The following PPARGC1A variants were observed in gnomAD, a reference collection of about 807,000 sequenced individuals.
The protein encoded by PPARGC1A is PPARG coactivator 1 alpha, also known as peroxisome proliferator-activated receptor gamma coactivator 1-alpha.
A neutral mutation model predicts 88.7 loss-of-function variants in PPARGC1A; 25 were observed. The ratio of observed to expected loss-of-function variants is 0.28; its 90% confidence interval spans 0.21 to 0.39. PPARGC1A has a LOEUF of 0.39. Among genes scored for constraint, PPARGC1A ranks in the 10% least tolerant of loss-of-function variants. The probability of loss-of-function intolerance (pLI) is 1.00; values close to 1 mark genes in which losing one functional copy is unlikely to be tolerated. For missense variants in PPARGC1A, 880 were observed against 968.7 expected, an observed-to-expected ratio of 0.91 and a Z score of 1.22; for synonymous variants, 363 against 355.6, an observed-to-expected ratio of 1.02 and a Z score of -0.24.
chr4:23,960,259 T>C, the PPARGC1A span, among the ~76,000 whole-genome samples: 1 of 152,134 alleles, frequency 6.6e-6, no homozygotes. Context: ...GGGGACATTT[T>C]TTTGTTGTGA....
the PPARGC1A span, among the ~76,000 whole-genome samples, chr4:24,401,018 T>TA: frequency 1.5e-5 from 2 of 134,378 alleles, no homozygotes; most frequent in Admixed American, 7.4e-5. Context: ...GAATTTTCTT[T>TA]TTTTTTTTTT....
the PPARGC1A span, among the ~76,000 whole-genome samples, chr4:24,252,416 G>A: frequency 9.2e-5 from 14 of 152,162 alleles, no homozygotes; most frequent in Non-Finnish European, 1.2e-4. Flanking sequence ...TCTGCCTTTC[G>A]TGGTTTTTCT....
the PPARGC1A span, among the ~76,000 whole-genome samples, chr4:24,050,904 TG>T: frequency 6.6e-6 from 1 of 152,050 alleles, no homozygotes; most frequent in Admixed American, 6.6e-5. Flanking sequence ...AAGAAAGGTC[TG>T]GGCCGGGCGC....
chr4:24,122,416 C>T, the PPARGC1A span, among the ~76,000 whole-genome samples: 51 of 128,110 alleles, frequency 4.0e-4, no homozygotes, highest in African/African-American at 8.9e-4. Flanking sequence ...TGTGTGTGTG[C>T]ATATATATAT....
intron 2 of PPARGC1A, among the ~76,000 whole-genome samples, chr4:23,860,466 A>G (rs1396559978): frequency 1.3e-5 from 2 of 152,186 alleles, no homozygotes. Flanking sequence ...AGGTGCTCTT[A>G]CTACAAAAAA....
the PPARGC1A span, among the ~76,000 whole-genome samples, chr4:24,441,146 T>C: frequency 2.3e-4 from 35 of 152,186 alleles, no homozygotes; most frequent in African/African-American, 8.2e-4. Context: ...TACTGTGGAA[T>C]GGTGGGGACT....
At chr4:24,000,743 C>G in the PPARGC1A span, among the ~76,000 whole-genome samples, 1 of 152,114 alleles carries the variant, frequency 6.6e-6, no homozygotes, top group African/African-American at 2.4e-5. Context: ...AGAAAGACTG[C>G]AGGATTTGAA....
chr4:24,013,892 T>C, the PPARGC1A span, among the ~76,000 whole-genome samples: 1 of 152,036 alleles, frequency 6.6e-6, no homozygotes, highest in African/African-American at 2.4e-5. Context: ...TCATCAACAT[T>C]CAAGGCAAAT....
the PPARGC1A span, among the ~76,000 whole-genome samples, chr4:24,035,816 T>C: frequency 6.6e-6 from 1 of 152,216 alleles, no homozygotes; most frequent in East Asian, 1.9e-4. Context: ...CTTTATGTTT[T>C]ACATGATTAA....
At chr4:24,091,718 G>T in the PPARGC1A span, 1 of 848,356 alleles carries the variant, frequency 1.2e-6, no homozygotes, top group Non-Finnish European at 1.4e-6. Flanking sequence ...GACACATGGG[G>T]CTACCCAGAC....
the PPARGC1A span, among the ~76,000 whole-genome samples, chr4:24,150,717 C>A: frequency 3.4e-4 from 51 of 152,200 alleles, no homozygotes; most frequent in South Asian, 0.01. Flanking sequence ...GTTCCTTTGG[C>A]AGATGAGGAC....
At chr4:24,192,411 T>C in the PPARGC1A span, among the ~76,000 whole-genome samples, 1 of 152,228 alleles carries the variant, frequency 6.6e-6, no homozygotes, top group Non-Finnish European at 1.5e-5. Context: ...CTAAGACTTA[T>C]TAGATTACGT....
At chr4:24,455,354 G>A in the PPARGC1A span, among the ~76,000 whole-genome samples, 1,460 of 152,278 alleles carry the variant, frequency 9.6e-3, 25 homozygotes, top group African/African-American at 0.034. Context: ...TGTGGCTTGC[G>A]CCTGCAGTCC....
intron 2 of PPARGC1A, among the ~76,000 whole-genome samples, chr4:23,834,688 C>T (rs1230024917): frequency 3.9e-5 from 6 of 152,076 alleles, no homozygotes; most frequent in Admixed American, 2.6e-4. Flanking sequence ...TTTCAATATG[C>T]CTTTGAAAGG....
intron 2 of PPARGC1A, among the ~76,000 whole-genome samples, chr4:23,849,704 A>G (rs532248989): frequency 1.6e-3 from 238 of 152,324 alleles, no homozygotes; most frequent in Non-Finnish European, 2.9e-3. Flanking sequence ...ATTTTTAAAA[A>G]GAAAAGGGGC....
At chr4:24,028,631 C>T in the PPARGC1A span, among the ~76,000 whole-genome samples, 2 of 152,206 alleles carry the variant, frequency 1.3e-5, no homozygotes, top group African/African-American at 4.8e-5. Flanking sequence ...CCTTGCAATA[C>T]TGGCTCCTCA....
the PPARGC1A span, among the ~76,000 whole-genome samples, chr4:23,914,828 G>T: frequency 6.6e-6 from 1 of 152,158 alleles, no homozygotes; most frequent in Non-Finnish European, 1.5e-5. Flanking sequence ...TGTTTCTCAA[G>T]ATCTAATTGC....
chr4:24,305,631 G>A, the PPARGC1A span, among the ~76,000 whole-genome samples: 1 of 152,180 alleles, frequency 6.6e-6, no homozygotes, highest in African/African-American at 2.4e-5. Flanking sequence ...TGACCAACAT[G>A]GAGACACCCT....
chr4:24,465,195 A>C, the PPARGC1A span, among the ~76,000 whole-genome samples: 9 of 152,188 alleles, frequency 5.9e-5, no homozygotes, highest in Non-Finnish European at 1.3e-4. Context: ...AAATATAGTC[A>C]ACCCTTATTA....
Sources: gnomAD v4.1 joint callset for allele counts (sites outside exome capture counted in the v4.1 genomes callset) on GRCh38, gnomAD v4.1.1 for gene constraint, MANE v1.5 for transcripts, NCBI Gene and HGNC (gene_info 2026-07-23, HGNC 2026-07-21) for gene names.